SMIM20: variants seen among roughly 807,000 people sequenced by gnomAD.
SMIM20 encodes mitochondrial translation regulation assembly intermediate of cytochrome c oxidase protein of 7 kDa.
SMIM20 carries 3 observed loss-of-function variants against 8.7 expected under a neutral mutation model. The ratio of observed to expected loss-of-function variants is 0.34; its 90% CI spans 0.16 to 0.89. The LOEUF (loss-of-function observed/expected upper bound fraction) is 0.89, where lower values mean the gene tolerates loss of function less well. Among genes scored for constraint, SMIM20 ranks in the 40% least tolerant of loss-of-function variants. SMIM20 has a pLI of 0.49. For missense variants in SMIM20, 85 were observed against 84.8 expected, an observed-to-expected ratio of 1.00 and a Z score of -0.01; for synonymous variants, 44 against 33.6, an observed-to-expected ratio of 1.31 and a Z score of -1.07.
intron 1 of SMIM20, among the ~76,000 whole-genome samples, chr4:25,926,266 G>T (rs1432163439): frequency 6.6e-6 from 1 of 152,192 alleles, no homozygotes; most frequent in Non-Finnish European, 1.5e-5. Context: ...AGAGTATTCT[G>T]CATTCACAGA....
intron 1 of SMIM20, among the ~76,000 whole-genome samples, chr4:25,921,356 G>A (rs1471559490): frequency 6.6e-6 from 1 of 152,064 alleles, no homozygotes; most frequent in Non-Finnish European, 1.5e-5. Flanking sequence ...AACATGGCGC[G>A]ACCCTGTCTC....
At chr4:25,928,944 T>C (rs562354479) in intron 2 of SMIM20, among the ~76,000 whole-genome samples, 2 of 152,340 alleles carry the variant, frequency 1.3e-5, no homozygotes, top group East Asian at 3.9e-4. Context: ...TGCTATGGGG[T>C]ACAATTCCTG....
chr4:25,918,220 G>T (rs943223516), intron 1 of SMIM20, among the ~76,000 whole-genome samples: 1 of 152,020 alleles, frequency 6.6e-6, no homozygotes, highest in South Asian at 2.1e-4. Flanking sequence ...GGGATTACAG[G>T]CGTGAGCCAC....
intron 1 of SMIM20, among the ~76,000 whole-genome samples, chr4:25,927,298 C>T (rs905224211): frequency 1.3e-5 from 2 of 152,188 alleles, no homozygotes; most frequent in African/African-American, 4.8e-5. Context: ...ACTATCAGGT[C>T]GGTCATTTAG....
intron 1 of SMIM20, among the ~76,000 whole-genome samples, chr4:25,926,437 C>T (rs768941105): frequency 1.3e-4 from 20 of 152,222 alleles, no homozygotes; most frequent in Non-Finnish European, 2.6e-4. Context: ...TTTAAATTTC[C>T]TGACCAAGCC....
chr4:25,914,654 G>A (rs541726215), intron 1 of SMIM20, among the ~76,000 whole-genome samples: 26 of 152,290 alleles, frequency 1.7e-4, no homozygotes, highest in African/African-American at 5.5e-4. Context: ...AAAATGCCGA[G>A]CCTCCTGTGA....
At chr4:25,928,445 T>C in intron 2 of SMIM20, 76 bp downstream of exon 2, 2 of 1,428,086 alleles carry the variant, frequency 1.4e-6, no homozygotes, top group South Asian at 2.7e-5. Context: ...GTGTTTGCCT[T>C]GGCGTGGAGA....
chr4:25,923,845 C>T (rs1243085237), intron 1 of SMIM20, among the ~76,000 whole-genome samples: 1 of 152,224 alleles, frequency 6.6e-6, no homozygotes, highest in East Asian at 1.9e-4. Context: ...AATGCGCAGG[C>T]AGACTGGGTC....
intron 1 of SMIM20, among the ~76,000 whole-genome samples, chr4:25,918,088 G>A (rs1236057820): frequency 6.6e-6 from 1 of 151,862 alleles, no homozygotes; most frequent in Non-Finnish European, 1.5e-5. Context: ...GATTACAGGT[G>A]CCCGCCACCA....
At chr4:25,924,261 C>A (rs1183706669) in intron 1 of SMIM20, among the ~76,000 whole-genome samples, 5 of 152,188 alleles carry the variant, frequency 3.3e-5, no homozygotes, top group African/African-American at 1.2e-4. Context: ...AAGATAGCTT[C>A]TTTGAAATAA....
At chr4:25,927,532 A>C (rs1468693988) in intron 1 of SMIM20, among the ~76,000 whole-genome samples, 2 of 152,250 alleles carry the variant, frequency 1.3e-5, no homozygotes, top group Non-Finnish European at 2.9e-5. Context: ...ACTATAATTT[A>C]GTGGTAAACG....
At chr4:25,929,127 T>C (rs1711583788) in intron 2 of SMIM20, 27 bp from the exon 3 acceptor site, 1 of 1,551,482 alleles carries the variant, frequency 6.4e-7, no homozygotes, top group East Asian at 2.4e-5. Flanking sequence ...AAATGAATCC[T>C]GTTTTTGTTC....
At chr4:25,914,572 G>T (rs908300959) in intron 1 of SMIM20, 150 bp downstream of exon 1, 5 of 725,906 alleles carry the variant, frequency 6.9e-6, no homozygotes, top group Non-Finnish European at 1.0e-5. Flanking sequence ...TTGTGACCGT[G>T]GACAAGTTGC....
chr4:25,927,192 T>C (rs1285034139), intron 1 of SMIM20, among the ~76,000 whole-genome samples: 2 of 152,244 alleles, frequency 1.3e-5, no homozygotes, highest in Admixed American at 6.5e-5. Context: ...GTATCCTATG[T>C]GTTCTCTCCA....
In SMIM20 at chr4:25,922,640, T is replaced by C. The variant is rs139609230; in HGVS notation, c.110-5673T>C. Among the ~76,000 whole-genome samples, 62 of 152,308 alleles carry C rather than the reference T, an allele frequency of 4.1e-4. No individual in the cohort carries two copies. The East Asian group carries it at 0.011, about 28-fold the overall frequency. On this transcript the variant is annotated intron_variant, in intron 1 of 2. Coordinates refer to ENST00000506197, the MANE Select transcript of SMIM20 (RefSeq NM_001145432.3). ...GGCCTTCTCTCCTGACCGTCCTTCA[T>C]ACATTTCATTCCCCAGGATCCTGAG...
intron 1 of SMIM20, among the ~76,000 whole-genome samples, chr4:25,927,006 G>A (rs185461181): frequency 2.1e-4 from 32 of 152,144 alleles, no homozygotes; most frequent in African/African-American, 7.7e-4. Context: ...TAAGAAATGA[G>A]GACACCTTTT....
chr4:25,927,902 G>A (rs1412907594), intron 1 of SMIM20, among the ~76,000 whole-genome samples: 2 of 152,206 alleles, frequency 1.3e-5, no homozygotes, highest in East Asian at 3.8e-4. Flanking sequence ...TCCTTTGGTG[G>A]AGTGCATTTT....
rs147635991 is a variant in SMIM20, at chr4:25,922,354, A to G, written c.110-5959A>G. The stretch of plus-strand genomic sequence containing the variant: ...GGACCAAAGGCAAGGCACCTCTTCC[A>G]CCAGCTCAGGAGGAAGGATGGTGTG... On this transcript the variant is annotated intron_variant, in intron 1 of 2. Transcript: ENST00000506197. 6.8e-3 allele frequency among the ~76,000 whole-genome samples: 1,039 copies of G among 152,300 alleles called. 9 individuals carry two copies. The highest frequency in any genetic ancestry group is 0.024 in the African/African-American group (988 of 41,562).
Position 25,914,284 on chromosome 4 carries a change from G to C in SMIM20, c.-30G>C. 4 of 1,534,200 alleles carry C rather than the reference G, an allele frequency of 2.6e-6. No homozygotes were observed. The highest frequency in any genetic ancestry group is 1.4e-5 in the African/African-American group (1 of 72,456). ...GGTTTCCGAGAGTGCCGGGCGGTCG[G>C]CGGGTCAGGGCAGCCCGGGGCCTGA... On this transcript the variant is annotated 5_prime_UTR_variant, in exon 1 of 3. Transcript: ENST00000506197.
Sources: allele counts gnomAD v4.1 joint callset (sites outside exome capture counted in the v4.1 genomes callset), GRCh38; gene constraint gnomAD v4.1.1; transcripts MANE v1.5; gene names NCBI Gene and HGNC (gene_info 2026-07-23, HGNC 2026-07-21).